Variants in CLIC4 observed in about 807,000 individuals in gnomAD.
CLIC4 encodes the protein chloride intracellular channel protein 4.
Under a neutral mutation model 24.6 loss-of-function variants are expected in CLIC4, and 13 were observed. The observed-to-expected ratio is 0.53, with a 90% CI of 0.34 to 0.84. The LOEUF is 0.84. Among genes scored for constraint, CLIC4 ranks in the 40% least tolerant of loss-of-function variants. The probability of loss-of-function intolerance (pLI) is 0.01; values close to 1 mark genes in which losing one functional copy is unlikely to be tolerated. For synonymous variants in CLIC4, 104 were observed against 111.3 expected (o/e 0.93, Z 0.41); for missense variants, 227 against 301.7 (o/e 0.75, Z 1.83).
chr1:24,825,591 G>T (rs1639779892), intron 3 of CLIC4, among the ~76,000 whole-genome samples: 1 of 152,118 alleles, frequency 6.6e-6, no homozygotes, highest in Non-Finnish European at 1.5e-5. Context: ...AAATCTTTAA[G>T]CTTAAAAAAT....
chr1:24,797,565 A>AG (rs1639418703), intron 1 of CLIC4, among the ~76,000 whole-genome samples, 177 bp from the exon 2 acceptor site: 1 of 151,156 alleles, frequency 6.6e-6, no homozygotes, highest in African/African-American at 2.4e-5. Context: ...AAAAAAAGAA[A>AG]AAAAAAAAAA....
At chr1:24,767,740 TTG>T (rs1011338483) in intron 1 of CLIC4, among the ~76,000 whole-genome samples, 1 of 151,972 alleles carries the variant, frequency 6.6e-6, no homozygotes, top group African/African-American at 2.4e-5. Context: ...TCTCTCTTTT[TTG>T]TTAATGTGAA....
At chr1:24,770,607 A>C (rs1426028141) in intron 1 of CLIC4, among the ~76,000 whole-genome samples, 4 of 152,160 alleles carry the variant, frequency 2.6e-5, no homozygotes, top group Non-Finnish European at 1.5e-5. Context: ...CAAGCACACA[A>C]ATTTTTAAAA....
chr1:24,793,587 G>T (rs550396444), intron 1 of CLIC4, among the ~76,000 whole-genome samples: 13 of 152,260 alleles, frequency 8.5e-5, no homozygotes, highest in African/African-American at 2.9e-4. Context: ...TAAAATTTAA[G>T]AACTAGGCCT....
chr1:24,773,084 T>C (rs576902658), intron 1 of CLIC4, among the ~76,000 whole-genome samples: 1 of 152,336 alleles, frequency 6.6e-6, no homozygotes, highest in Non-Finnish European at 1.5e-5. Context: ...CCCACATATC[T>C]CATTTACCCT....
chr1:24,779,829 T>TTC (rs1639182279), intron 1 of CLIC4, among the ~76,000 whole-genome samples: 6 of 152,232 alleles, frequency 3.9e-5, no homozygotes, highest in Non-Finnish European at 8.8e-5. Flanking sequence ...TGTCCATTGC[T>TTC]TTTACCTAAT....
intron 3 of CLIC4, among the ~76,000 whole-genome samples, chr1:24,815,666 A>G (rs1019791302): frequency 1.3e-5 from 2 of 152,326 alleles, no homozygotes; most frequent in East Asian, 1.9e-4. Context: ...TAAGATAACA[A>G]TGAATTTTTC....
At chr1:24,819,889 G>A (rs1385071149) in intron 3 of CLIC4, among the ~76,000 whole-genome samples, 8 of 148,750 alleles carry the variant, frequency 5.4e-5, no homozygotes, top group Non-Finnish European at 7.4e-5. Flanking sequence ...ACAGGTGCCC[G>A]CCACCATGCC....
rs1288951127 is a variant in CLIC4, at chr1:24,841,221, A to G, written c.*284A>G. The G allele has an allele frequency of 1.8e-5, 4 of 223,184 alleles. No homozygotes were observed. The highest frequency in any genetic ancestry group is 6.8e-5 in the African/African-American group (3 of 44,050). 13.8% of individuals were successfully genotyped at this position (223,184 alleles called of 1,614,324 possible). On this transcript the variant is annotated 3_prime_UTR_variant, in exon 6 of 6. Coordinates refer to ENST00000374379, the MANE Select transcript of CLIC4 (RefSeq NM_013943.3). ...CTTTTCACTTTAGAGGTAGCTTGCC[A>G]TCTCTCAGGAGCCCTCACCATTGTG...
At chr1:24,812,594 A>T (rs1639625137) in intron 2 of CLIC4, among the ~76,000 whole-genome samples, 1 of 152,128 alleles carries the variant, frequency 6.6e-6, no homozygotes, top group East Asian at 1.9e-4. Context: ...TGGAATGAGA[A>T]TGATGGATTT....
chr1:24,798,076 A>C (rs1438500825), intron 2 of CLIC4: 3 of 389,072 alleles, frequency 7.7e-6, no homozygotes, highest in East Asian at 1.1e-4. Flanking sequence ...GTTTACCTTA[A>C]ATTTCATGAG....
At chr1:24,755,351 A>C (rs1638833213) in intron 1 of CLIC4, among the ~76,000 whole-genome samples, 1 of 151,348 alleles carries the variant, frequency 6.6e-6, no homozygotes, top group Admixed American at 6.6e-5. Context: ...AGGCAGGAGA[A>C]TCTCTTGAAC....
chr1:24,829,546 T>A (rs1639819694), intron 4 of CLIC4, among the ~76,000 whole-genome samples: 1 of 152,220 alleles, frequency 6.6e-6, no homozygotes, highest in African/African-American at 2.4e-5. Flanking sequence ...CTACTTTTTT[T>A]AAGTTCTGTG....
chr1:24,801,837 A>C (rs1639492984), intron 2 of CLIC4, among the ~76,000 whole-genome samples: 1 of 152,254 alleles, frequency 6.6e-6, no homozygotes, highest in African/African-American at 2.4e-5. Context: ...CCCTTTAGTT[A>C]TGTATATAAA....
intron 1 of CLIC4, among the ~76,000 whole-genome samples, chr1:24,791,698 A>C (rs1441609298): frequency 6.6e-6 from 1 of 152,160 alleles, no homozygotes; most frequent in East Asian, 1.9e-4. Context: ...CGACATGGTG[A>C]AACACTGTCT....
At chr1:24,769,226 CTTAAT>C (rs1202065579) in intron 1 of CLIC4, among the ~76,000 whole-genome samples, 41 of 152,176 alleles carry the variant, frequency 2.7e-4, no homozygotes, top group Admixed American at 2.6e-3. Context: ...TCTGAAGCTA[CTTAAT>C]TTATCACTAT....
rs1638682279 is a variant in CLIC4 at position 24,745,753 on chromosome 1, C to T, written c.72+128C>T. On this transcript the variant is annotated intron_variant, in intron 1 of 5. Transcript: ENST00000374379. Reference sequence around the variant, plus strand: ...CAGCACCCGTCCCGCTGCGGGCACCCGCGCCCCCGGCCCATTGTCTGGGGG... The same window carrying T: ...CAGCACCCGTCCCGCTGCGGGCACCTGCGCCCCCGGCCCATTGTCTGGGGG... 4 of 658,938 alleles carry T rather than the reference C, an allele frequency of 6.1e-6. No homozygotes were observed. The Admixed American group carries it at 1.8e-4, about 29-fold the overall frequency. 40.8% of individuals were successfully genotyped at this position (658,938 alleles called of 1,614,324 possible). A position where few individuals can be genotyped will look rare whatever the true frequency, so the allele number is the denominator to read the frequency against.
chr1:24,809,221 A>G (rs748296828), intron 2 of CLIC4, among the ~76,000 whole-genome samples: 2 of 152,196 alleles, frequency 1.3e-5, no homozygotes, highest in Non-Finnish European at 2.9e-5. Flanking sequence ...AGGAAGCAAG[A>G]TAGGCTCTAG....
chr1:24,803,821 A>G (rs1639517209), intron 2 of CLIC4, among the ~76,000 whole-genome samples: 2 of 152,194 alleles, frequency 1.3e-5, no homozygotes, highest in South Asian at 4.1e-4. Context: ...AGAGAGCTCT[A>G]TCACTGATTT....
Sources: allele counts gnomAD v4.1 joint callset (sites outside exome capture counted in the v4.1 genomes callset), GRCh38; gene constraint gnomAD v4.1.1; transcripts MANE v1.5; gene names NCBI Gene and HGNC (gene_info 2026-07-23, HGNC 2026-07-21).